GHR: variants seen among roughly 807,000 people sequenced by gnomAD.
The protein encoded by GHR is GH receptor.
Under a neutral mutation model 67.1 loss-of-function variants are expected in GHR, and 35 were observed. That is an observed-to-expected ratio of 0.52 (90% CI 0.40 to 0.69). The LOEUF (loss-of-function observed/expected upper bound fraction) is 0.69. Ranked by LOEUF, GHR falls within the 30% of genes least tolerant of loss-of-function variation. The pLI, the probability that GHR is intolerant of heterozygous loss-of-function variation, is 0.00. For synonymous variants in GHR, 272 were observed against 269.1 expected (o/e 1.01, Z -0.10); for missense variants, 792 against 764.6 (o/e 1.04, Z -0.42).
chr5:42,449,611 A>G (rs1243062979), intron 1 of GHR, among the ~76,000 whole-genome samples: 1 of 152,026 alleles, frequency 6.6e-6, no homozygotes, highest in African/African-American at 2.4e-5. Flanking sequence ...CTCTTTTCTG[A>G]TTTGGATGCC....
At chr5:42,484,060 T>A (rs2112166111) in intron 1 of GHR, among the ~76,000 whole-genome samples, 1 of 152,354 alleles carries the variant, frequency 6.6e-6, no homozygotes, top group Admixed American at 6.5e-5. Context: ...TACTTAATAA[T>A]GCTTGCTGGC....
intron 4 of GHR, among the ~76,000 whole-genome samples, 182 bp downstream of exon 4, chr5:42,689,201 T>C (rs1757304723): frequency 6.6e-6 from 1 of 152,232 alleles, no homozygotes; most frequent in Non-Finnish European, 1.5e-5. Context: ...AGTACTATTT[T>C]AGGCCCTGGA....
intron 1 of GHR, among the ~76,000 whole-genome samples, chr5:42,507,945 CAGAGCAGAGGAAGACCTGGAA>C (rs1202172886): frequency 2.0e-5 from 3 of 152,174 alleles, no homozygotes; most frequent in African/African-American, 7.2e-5. Flanking sequence ...CTCCTGAGTG[CAGAGCAGAGGAAGACCTGGAA>C]TGGATATGCT....
At chr5:42,689,814 T>C (rs1757339798) in intron 4 of GHR, among the ~76,000 whole-genome samples, 1 of 152,198 alleles carries the variant, frequency 6.6e-6, no homozygotes, top group Non-Finnish European at 1.5e-5. Context: ...TGAAAAGATA[T>C]ATGCTTTAAA....
intron 2 of GHR, among the ~76,000 whole-genome samples, chr5:42,576,435 A>G (rs1750748149): frequency 6.6e-6 from 1 of 152,186 alleles, no homozygotes; most frequent in Non-Finnish European, 1.5e-5. Context: ...TACAATTATT[A>G]TATATAATTC....
rs79090837 is a variant in GHR, at chr5:42,583,971, G to A, written c.70+18027G>A. ...ATGAACTGAAAATTGACAATGTAAA[G>A]GACACTGTGTTCTCCTACTGTTCCT... On this transcript the variant is annotated intron_variant, in intron 2 of 9. Transcript: ENST00000230882. 1.2e-3 allele frequency among the ~76,000 whole-genome samples: 183 copies of A among 151,572 alleles called. 3 individuals are homozygous for A. The East Asian group carries it at 0.034, about 28-fold the overall frequency.
intron 1 of GHR, among the ~76,000 whole-genome samples, chr5:42,555,189 A>G (rs1181420722): frequency 6.6e-6 from 1 of 152,186 alleles, no homozygotes; most frequent in Non-Finnish European, 1.5e-5. Context: ...GAGAGAGCAC[A>G]CTGCATAGCT....
chr5:42,658,380 C>T lies in GHR; in HGVS notation c.136+29277C>T, dbSNP rs185419992. ...ATCTAACTTTCCTGAAGTTAAGTTT[C>T]CTTCTCTGTAAAATGAGGGTTATAA... On this transcript the variant is annotated intron_variant, in intron 3 of 9. Coordinates refer to ENST00000230882, the MANE Select transcript of GHR (RefSeq NM_000163.5). Among the ~76,000 whole-genome samples, 590 of 152,254 alleles carry T rather than the reference C, an allele frequency of 3.9e-3. 6 individuals are homozygous for T. In the Middle Eastern group the frequency reaches 0.065, roughly 17 times the overall value.
intron 1 of GHR, among the ~76,000 whole-genome samples, chr5:42,531,273 A>AG (rs1188077279): frequency 6.6e-6 from 1 of 151,806 alleles, no homozygotes; most frequent in Non-Finnish European, 1.5e-5. Flanking sequence ...TCTCCAAAAA[A>AG]AAAACCAAAA....
chr5:42,717,986 C>T (rs1040229994), intron 8 of GHR, 66 bp from the exon 9 acceptor site: 2 of 793,964 alleles, frequency 2.5e-6, no homozygotes, highest in Non-Finnish European at 4.6e-6. Context: ...TTATTTCTAT[C>T]TTTTGCTATA....
chr5:42,579,189 T>C (rs865826707), intron 2 of GHR, among the ~76,000 whole-genome samples: 11 of 143,268 alleles, frequency 7.7e-5, no homozygotes, highest in African/African-American at 2.5e-4. Flanking sequence ...GATAGATAGA[T>C]AGATAGATAG....
chr5:42,466,752 T>C, intron 1 of GHR: 1 of 521,712 alleles, frequency 1.9e-6, no homozygotes, highest in East Asian at 3.3e-5. Context: ...TGTTTTGTGC[T>C]GCATTCCTGA....
intron 1 of GHR, among the ~76,000 whole-genome samples, chr5:42,425,639 C>G (rs1742819307): frequency 6.6e-6 from 1 of 152,324 alleles, no homozygotes; most frequent in Admixed American, 6.5e-5. Flanking sequence ...CTTCAGCTAT[C>G]TACAGCTTCC....
chr5:42,457,132 G>A (rs1744296210), intron 1 of GHR, among the ~76,000 whole-genome samples: 1 of 152,122 alleles, frequency 6.6e-6, no homozygotes, highest in Admixed American at 6.5e-5. Flanking sequence ...CTTCTCTGTG[G>A]CCTTCATCTT....
Position 42,553,950 on chromosome 5 carries a change from T to C in GHR, c.-11-11914T>C, listed in dbSNP as rs553319141. 8.6e-4 allele frequency among the ~76,000 whole-genome samples: 131 copies of C among 152,276 alleles called. 1 individual carries two copies. The highest frequency in any genetic ancestry group is 3.0e-3 in the African/African-American group (123 of 41,560). ...GCAAAAAAGCACATTAATTGATTGGTTGAATGGGGAGATTGAGATATTTCT... is the reference window on the plus strand; with the variant it reads ...GCAAAAAAGCACATTAATTGATTGGCTGAATGGGGAGATTGAGATATTTCT... On this transcript the variant is annotated intron_variant, in intron 1 of 9. Coordinates refer to ENST00000230882, the MANE Select transcript of GHR (RefSeq NM_000163.5).
At chr5:42,570,756 T>A (rs894565045) in intron 2 of GHR, among the ~76,000 whole-genome samples, 48 of 152,264 alleles carry the variant, frequency 3.2e-4, no homozygotes, top group African/African-American at 1.0e-3. Context: ...AACAGAGAAA[T>A]AAACATAATT....
At chr5:42,694,015 CCTCT>C (rs921074149) in intron 4 of GHR, among the ~76,000 whole-genome samples, 4 of 152,158 alleles carry the variant, frequency 2.6e-5, no homozygotes, top group African/African-American at 9.7e-5. Context: ...ATCCCTTTGA[CCTCT>C]CTGTTTATTC....
chr5:42,501,047 T>C (rs1746521036), intron 1 of GHR, among the ~76,000 whole-genome samples: 1 of 152,208 alleles, frequency 6.6e-6, no homozygotes. Context: ...TAATACTCCA[T>C]CTTTAAAGAC....
At chr5:42,582,394 A>T (rs1037076281) in intron 2 of GHR, among the ~76,000 whole-genome samples, 1 of 152,174 alleles carries the variant, frequency 6.6e-6, no homozygotes, top group Non-Finnish European at 1.5e-5. Context: ...CTCCCTTCTG[A>T]TCTCATAAAA....
Sources: allele counts gnomAD v4.1 joint callset (sites outside exome capture counted in the v4.1 genomes callset), GRCh38; gene constraint gnomAD v4.1.1; transcripts MANE v1.5; gene names NCBI Gene and HGNC (gene_info 2026-07-23, HGNC 2026-07-21).